MKLN1: variants seen among roughly 807,000 people sequenced by gnomAD.
MKLN1 encodes the protein muskelin 1.
MKLN1 carries 18 observed loss-of-function variants against 99.0 expected under a neutral mutation model. That is an observed-to-expected ratio of 0.18 (90% confidence interval 0.13 to 0.27). The LOEUF (loss-of-function observed/expected upper bound fraction) is 0.27, where lower values mean the gene tolerates loss of function less well. Ranked by LOEUF, MKLN1 falls within the 10% of genes least tolerant of loss-of-function variation. The pLI is 1.00. For missense variants in MKLN1, 621 were observed against 875.9 expected (o/e 0.71, Z 3.67); for synonymous variants, 288 against 293.2 (o/e 0.98, Z 0.18).
intron 3 of MKLN1, among the ~76,000 whole-genome samples, chr7:131,300,687 C>A (rs1259381527): frequency 2.3e-3 from 278 of 118,528 alleles, no homozygotes; most frequent in Non-Finnish European, 2.5e-3. Flanking sequence ...GACCCTGTCT[C>A]AAAAAAAAAA....
chr7:131,228,536 G>C (rs1354831453), intron 3 of MKLN1, among the ~76,000 whole-genome samples: 16 of 152,214 alleles, frequency 1.1e-4, no homozygotes, highest in Non-Finnish European at 1.5e-5. Flanking sequence ...TTAGTATTAG[G>C]GGTTTTTCCC....
intron 16 of MKLN1, among the ~76,000 whole-genome samples, chr7:131,475,523 C>G (rs780760218): frequency 1.3e-5 from 2 of 152,128 alleles, no homozygotes; most frequent in Non-Finnish European, 2.9e-5. Flanking sequence ...GATATAAAAT[C>G]CCAACAGAAG....
At chr7:131,131,270 G>A (rs956575496) in intron 1 of MKLN1, among the ~76,000 whole-genome samples, 4 of 151,734 alleles carry the variant, frequency 2.6e-5, no homozygotes, top group African/African-American at 9.7e-5. Flanking sequence ...CCAGCTACTC[G>A]GGAGGCTGAG....
At chr7:131,133,584 C>A (rs577410680) in intron 1 of MKLN1, among the ~76,000 whole-genome samples, 53 of 150,960 alleles carry the variant, frequency 3.5e-4, no homozygotes, top group African/African-American at 1.3e-3. Context: ...AATCTCCTGA[C>A]CTCGTGATCC....
At chr7:131,400,755 CAGTT>C (rs1032555591) in intron 6 of MKLN1, among the ~76,000 whole-genome samples, 11 of 152,012 alleles carry the variant, frequency 7.2e-5, no homozygotes, top group African/African-American at 1.2e-4. Context: ...GTGACGTACT[CAGTT>C]GGTTAAGATT....
intron 17 of MKLN1, among the ~76,000 whole-genome samples, chr7:131,481,034 G>T (rs1161329766): frequency 6.6e-6 from 1 of 152,130 alleles, no homozygotes; most frequent in Non-Finnish European, 1.5e-5. Flanking sequence ...GGAATAGTTT[G>T]TTTTATTTGG....
chr7:131,144,520 T>C (rs1369731214), intron 2 of MKLN1, among the ~76,000 whole-genome samples: 2 of 151,976 alleles, frequency 1.3e-5, no homozygotes, highest in Non-Finnish European at 2.9e-5. Context: ...ATTTTTATAC[T>C]TTTAAAAATA....
intron 2 of MKLN1, among the ~76,000 whole-genome samples, chr7:131,179,556 C>CATTATTATTATTATTATTATT (rs146282031): frequency 6.7e-6 from 1 of 150,352 alleles, no homozygotes; most frequent in African/African-American, 2.4e-5. Flanking sequence ...TTAAAAGAGA[C>CATTATTATTATTATTATTATT]ATTATTATTA....
At chr7:131,201,878 G>C (rs888485981) in intron 2 of MKLN1, among the ~76,000 whole-genome samples, 3 of 152,196 alleles carry the variant, frequency 2.0e-5, no homozygotes, top group Middle Eastern at 3.4e-3. Flanking sequence ...GTCCTTTTGG[G>C]TTAACAATTC....
chr7:131,222,991 C>T (rs888928154), intron 3 of MKLN1, among the ~76,000 whole-genome samples: 16 of 151,936 alleles, frequency 1.1e-4, no homozygotes, highest in African/African-American at 2.9e-4. Flanking sequence ...GCAGAGATCA[C>T]GCCACTGCAC....
At chr7:131,328,579 C>G (rs1046103975) in intron 1 of MKLN1, among the ~76,000 whole-genome samples, 13 of 152,124 alleles carry the variant, frequency 8.5e-5, no homozygotes, top group African/African-American at 3.1e-4. Context: ...GTAGGATTGG[C>G]AGACGTTGTC....
intron 1 of MKLN1, among the ~76,000 whole-genome samples, chr7:131,371,763 A>AACAT (rs1793470424): frequency 8.0e-6 from 1 of 124,922 alleles, no homozygotes; most frequent in Non-Finnish European, 1.8e-5. Flanking sequence ...TGACATATAT[A>AACAT]ACATATATAT....
chr7:131,140,791 G>C (rs1240087079), intron 1 of MKLN1, among the ~76,000 whole-genome samples: 2 of 133,982 alleles, frequency 1.5e-5, no homozygotes, highest in African/African-American at 5.6e-5. Context: ...TTTTTGTTTT[G>C]TTTTCTGAGA....
chr7:131,229,625 A>G (rs1381821716), intron 3 of MKLN1, among the ~76,000 whole-genome samples: 2 of 152,126 alleles, frequency 1.3e-5, no homozygotes, highest in Admixed American at 1.3e-4. Flanking sequence ...ACAAGACCAC[A>G]GCTCACTGCC....
At chr7:131,309,558 A>G (rs188938136) in intron 3 of MKLN1, among the ~76,000 whole-genome samples, 46 of 151,702 alleles carry the variant, frequency 3.0e-4, no homozygotes, top group Non-Finnish European at 4.7e-4. Context: ...GATTACAGGC[A>G]CCCACCATCA....
chr7:131,176,631 G>C (rs1270632901), intron 2 of MKLN1, among the ~76,000 whole-genome samples: 10 of 152,234 alleles, frequency 6.6e-5, no homozygotes, highest in Admixed American at 6.5e-4. Context: ...TTACTCCATA[G>C]TGTTCCCCAT....
chr7:131,142,438 T>G (rs1253917595), intron 1 of MKLN1, among the ~76,000 whole-genome samples: 1 of 147,890 alleles, frequency 6.8e-6, no homozygotes, highest in Non-Finnish European at 1.5e-5. Context: ...ATGATAATAA[T>G]AATTTAAAAA....
intron 1 of MKLN1, among the ~76,000 whole-genome samples, chr7:131,118,608 A>T (rs1057389943): frequency 1.3e-5 from 2 of 152,142 alleles, no homozygotes; most frequent in Non-Finnish European, 2.9e-5. Flanking sequence ...AGACTGGCTA[A>T]TAAGAAAATA....
chr7:131,400,518 A>AAAATAT (rs527702723), intron 6 of MKLN1, among the ~76,000 whole-genome samples: 157 of 137,426 alleles, frequency 1.1e-3, no homozygotes, highest in African/African-American at 4.2e-3. Flanking sequence ...ATAAAAAAAA[A>AAAATAT]ATATATATAT....
Sources: gnomAD v4.1 joint callset for allele counts (sites outside exome capture counted in the v4.1 genomes callset) on GRCh38, gnomAD v4.1.1 for gene constraint, MANE v1.5 for transcripts, NCBI Gene and HGNC (gene_info 2026-07-23, HGNC 2026-07-21) for gene names.